Variants in TRIM24 observed in about 807,000 individuals in gnomAD.
The protein encoded by TRIM24 is transcription intermediary factor 1-alpha.
A neutral mutation model predicts 123.9 loss-of-function variants in TRIM24; 29 were observed. The observed-to-expected ratio is 0.23, with a 90% CI of 0.17 to 0.32. The LOEUF (loss-of-function observed/expected upper bound fraction) is 0.32, where lower values mean the gene tolerates loss of function less well. TRIM24 is among the 10% of genes least tolerant of loss of function. The pLI is 1.00. For missense variants in TRIM24, 932 were observed against 1,295.3 expected (o/e 0.72, Z 4.31); for synonymous variants, 456 against 461.1 (o/e 0.99, Z 0.14).
At chr7:138,486,157 A>G (rs888566896) in intron 1 of TRIM24, among the ~76,000 whole-genome samples, 3 of 152,100 alleles carry the variant, frequency 2.0e-5, no homozygotes, top group African/African-American at 4.8e-5. Flanking sequence ...GTGTCTGTTC[A>G]TATTCTTTGC....
chr7:138,473,029 C>G (rs1429632908), intron 1 of TRIM24, among the ~76,000 whole-genome samples: 1 of 152,138 alleles, frequency 6.6e-6, no homozygotes, highest in Admixed American at 6.5e-5. Context: ...CCTGTAATCC[C>G]AACACTTTGG....
At position 138,589,990 on chromosome 7, in the gene TRIM24, G is replaced by A. The variant is rs181966719; in HGVS notation, c.*5039G>A. ...ACATTTAATAAAATTATTTTCCCAC[G>A]TTTTCACATGTGGTATGGAATAAAG... On this transcript the variant is annotated 3_prime_UTR_variant, in exon 19 of 19. Transcript: ENST00000343526. The A allele has an allele frequency of 2.8e-4, 42 of 152,096 alleles. No homozygotes were observed. Among genetic ancestry groups the A allele is most frequent in the African/African-American group, 8.2e-4 (34 of 41,504 alleles). 9.4% of individuals were successfully genotyped at this position (152,096 alleles called of 1,614,324 possible). A position where few individuals can be genotyped will look rare whatever the true frequency, so the allele number is the denominator to read the frequency against.
At chr7:138,579,892 C>T (rs895954566) in intron 15 of TRIM24, among the ~76,000 whole-genome samples, 1 of 152,004 alleles carries the variant, frequency 6.6e-6, no homozygotes, top group Non-Finnish European at 1.5e-5. Flanking sequence ...CACTGCACCC[C>T]AGACTGGGCA....
chr7:138,513,684 C>T (rs1037603735), intron 2 of TRIM24, among the ~76,000 whole-genome samples: 4 of 152,150 alleles, frequency 2.6e-5, no homozygotes, highest in Admixed American at 2.6e-4. Flanking sequence ...CAGGCCCCAC[C>T]TCCAACATTG....
intron 1 of TRIM24, among the ~76,000 whole-genome samples, chr7:138,489,728 A>C (rs2116495759): frequency 6.6e-6 from 1 of 152,244 alleles, no homozygotes; most frequent in East Asian, 1.9e-4. Context: ...TGTTAGTCTG[A>C]TGGGCTTCCC....
In TRIM24 at chr7:138,577,592, A is replaced by G; in HGVS notation, c.2256+4A>G. On this transcript the variant is annotated splice_donor_region_variant and intron_variant, in intron 14 of 18. Transcript: ENST00000343526. ...TGAAGAATCTAGGCCTCAAAATGTA[A>G]TTATGAATGCTTGCAATGCTATTCC... 1 of 1,598,090 alleles carries G rather than the reference A, an allele frequency of 6.3e-7. No individual in the cohort carries two copies.
Position 138,519,175 on chromosome 7 carries a change from CA to C in TRIM24, c.632-13del. 1 of 1,613,850 alleles carries C rather than the reference CA, an allele frequency of 6.2e-7. No individual in the cohort carries two copies. On this transcript the variant is annotated splice_polypyrimidine_tract_variant and intron_variant, in intron 3 of 18. Transcript: ENST00000343526. ...TGTTAATTTTCTTCTCTTTGTCTCC[CA>C]TTGTTTCTGCAGAGGCAGTTGGTGT...
At position 138,519,322 on chromosome 7, in the gene TRIM24, G is replaced by A. The variant is rs1796460165; in HGVS notation, c.764+1G>A. 6.2e-7 allele frequency: 1 copy of A among 1,600,698 alleles called. No homozygotes were observed. The highest frequency in any genetic ancestry group is 1.7e-5 in the Admixed American group (1 of 57,178). On this transcript the variant is annotated splice_donor_variant, in intron 4 of 18. Transcript: ENST00000343526. LOFTEE classifies it high-confidence loss of function. ...AGTTGTTAGAACATAAAGAGCATAG[G>A]TACCAGCATCTTTGGTTATATATAT...
At chr7:138,535,449 G>A (rs116428455) in intron 6 of TRIM24, among the ~76,000 whole-genome samples, 3,142 of 152,142 alleles carry the variant, frequency 0.021, 109 homozygotes, top group African/African-American at 0.071. Context: ...TGTCTATAAC[G>A]GATTTTATTT....
At chr7:138,486,182 GGTT>G (rs1208003777) in intron 1 of TRIM24, among the ~76,000 whole-genome samples, 3 of 152,008 alleles carry the variant, frequency 2.0e-5, no homozygotes, top group African/African-American at 4.8e-5. Flanking sequence ...TTTTTGATGG[GGTT>G]GTTTGATTTT....
rs963747016 is a variant in TRIM24, at chr7:138,586,241, A to G, written c.*1290A>G. On this transcript the variant is annotated 3_prime_UTR_variant, in exon 19 of 19. Transcript: ENST00000343526. ...ATACATTAATCCAGCATTTGACACAATATCTAAATGGTTTGCCGAAGTTAA... is the reference window on the plus strand; with the variant it reads ...ATACATTAATCCAGCATTTGACACAGTATCTAAATGGTTTGCCGAAGTTAA... 5.4e-6 allele frequency: 1 copy of G among 184,016 alleles called. No homozygotes were observed. Among genetic ancestry groups the G allele is most frequent in the Non-Finnish European group, 1.2e-5 (1 of 86,830 alleles). 11.4% of individuals were successfully genotyped at this position (184,016 alleles called of 1,614,324 possible).
rs1295602693 is a variant in TRIM24, at chr7:138,589,730, G to A, written c.*4779G>A. On this transcript the variant is annotated 3_prime_UTR_variant, in exon 19 of 19. Transcript: ENST00000343526. ...TCTGGAAGTTATTTGGGGAAGGGGG[G>A]AAAGACACAGAGTGGGGACCTTTGG... The A allele has an allele frequency of 6.6e-6, 1 of 152,126 alleles. No homozygotes were observed. The highest frequency in any genetic ancestry group is 1.5e-5 in the Non-Finnish European group (1 of 68,026). 9.4% of individuals were successfully genotyped at this position (152,126 alleles called of 1,614,324 possible).
rs760060436 is a variant in TRIM24 at position 138,583,989 on chromosome 7, A to T, written c.2933A>T (p.Glu978Val). ...AGATTGATCTTTCAAAACTGTGCTG[A>T]ATTCAATGAGGTGAGGCTAGGGGAG... ...DFRLIFQNCA[E>V]FNEPDSEVAN... Residue 978 changes from glutamate to valine, a missense_variant, in exon 18 of 19, where the codon GAA (glutamate) becomes GTA (valine). This residue lies in a region of TRIM24 where 104 missense variants were observed against 121.5 expected (regional missense o/e 0.86). Coordinates refer to ENST00000343526, the MANE Select transcript of TRIM24 (RefSeq NM_015905.3). 1.9e-6 allele frequency: 3 copies of T among 1,607,632 alleles called. No individual in the cohort carries two copies. In the African/African-American group the frequency reaches 4.0e-5, roughly 22 times the overall value.
intron 1 of TRIM24, chr7:138,461,313 T>G: frequency 3.9e-6 from 2 of 511,378 alleles, no homozygotes; most frequent in Non-Finnish European, 7.8e-6. Context: ...GTCCATATGA[T>G]CCTGATCATC....
chr7:138,585,911 C>T lies in TRIM24; in HGVS notation c.*960C>T. On this transcript the variant is annotated 3_prime_UTR_variant, in exon 19 of 19. Coordinates refer to ENST00000343526, the MANE Select transcript of TRIM24 (RefSeq NM_015905.3). ...AATATAAGTTCCTCTGAAAGGGACT[C>T]GTTTTTGTGGTTTTCATCTGTCTAT... is the stretch of plus-strand genomic sequence containing the variant. 1.9e-6 allele frequency: 1 copy of T among 518,470 alleles called. No individual in the cohort carries two copies. Among genetic ancestry groups the T allele is most frequent in the South Asian group, 1.4e-5 (1 of 71,548 alleles). The allele number at this position is 518,470 out of a possible 1,614,324, so 32.1% of individuals were successfully genotyped here. A position where few individuals can be genotyped will look rare whatever the true frequency, so the allele number is the denominator to read the frequency against.
intron 6 of TRIM24, among the ~76,000 whole-genome samples, chr7:138,531,924 C>A (rs6955468): frequency 0.8 from 121,699 of 151,968 alleles, 49,006 homozygotes; most frequent in African/African-American, 0.83. Flanking sequence ...CTGGTGTGAG[C>A]TGGTATCTCA....
intron 1 of TRIM24, among the ~76,000 whole-genome samples, chr7:138,479,358 T>A (rs1795475105): frequency 6.6e-6 from 1 of 152,116 alleles, no homozygotes; most frequent in South Asian, 2.1e-4. Flanking sequence ...TAACCGTTTG[T>A]CCAACCTTTT....
intron 2 of TRIM24, among the ~76,000 whole-genome samples, chr7:138,507,864 A>G (rs981405602): frequency 6.6e-6 from 1 of 151,864 alleles, no homozygotes; most frequent in African/African-American, 2.4e-5. Context: ...GCTCAAGAAG[A>G]TGGAGGCTGC....
chr7:138,578,563 T>TGTGTGTGTGCGCGCGC (rs145011901), intron 14 of TRIM24, among the ~76,000 whole-genome samples: 10 of 145,088 alleles, frequency 6.9e-5, no homozygotes, highest in African/African-American at 1.0e-4. Context: ...TGTGTGTGTG[T>TGTGTGTGTGCGCGCGC]GCGCGCACGC....
Sources: allele counts gnomAD v4.1 joint callset (sites outside exome capture counted in the v4.1 genomes callset), GRCh38; gene constraint gnomAD v4.1.1; regional missense constraint gnomAD v4.1.1; transcripts MANE v1.5; gene names NCBI Gene and HGNC (gene_info 2026-07-23, HGNC 2026-07-21).